SETD1A: variants seen among roughly 807,000 people sequenced by gnomAD.
SETD1A encodes the protein histone-lysine N-methyltransferase SETD1A.
Under a neutral mutation model 149.9 loss-of-function variants are expected in SETD1A, and 29 were observed. That is an observed-to-expected ratio of 0.19 (90% CI 0.14 to 0.26). The LOEUF (loss-of-function observed/expected upper bound fraction) is 0.26, where lower values mean the gene tolerates loss of function less well. SETD1A is among the 10% of genes least tolerant of loss of function. The pLI is 1.00. For missense variants in SETD1A, 2,109 were observed against 2,353.1 expected, an observed-to-expected ratio of 0.90 and a Z score of 2.15; for synonymous variants, 1,141 against 968.5, an observed-to-expected ratio of 1.18 and a Z score of -3.31.
intron 13 of SETD1A, among the ~76,000 whole-genome samples, chr16:30,977,569 C>G (rs189969748): frequency 6.6e-5 from 10 of 152,180 alleles, no homozygotes; most frequent in Non-Finnish European, 1.0e-4. Context: ...CGAGGCTTCC[C>G]GAGGACATGC....
intron 4 of SETD1A, among the ~76,000 whole-genome samples, chr16:30,963,183 A>C (rs1185175196): frequency 6.6e-6 from 1 of 152,246 alleles, no homozygotes; most frequent in Non-Finnish European, 1.5e-5. Context: ...CTGGTGATCC[A>C]ACATGGTAAA....
chr16:30,957,911 G>C lies in SETD1A; in HGVS notation c.-69G>C, dbSNP rs1402719368. Reference sequence around the variant, plus strand: ...CCTCGGCCCCGTGGGTCCCCCGGCAGCGCCTGTGGCGAAAGTGCGAATGCA... The same window carrying C: ...CCTCGGCCCCGTGGGTCCCCCGGCACCGCCTGTGGCGAAAGTGCGAATGCA... On this transcript the variant is annotated 5_prime_UTR_variant, in exon 1 of 19. Transcript: ENST00000262519. The C allele has an allele frequency of 6.6e-6, 1 of 152,418 alleles. No homozygotes were observed. Among genetic ancestry groups the C allele is most frequent in the Non-Finnish European group, 1.5e-5 (1 of 68,062 alleles). The allele number at this position is 152,418 out of a possible 1,614,324, so 9.4% of individuals were successfully genotyped here. A position where few individuals can be genotyped will look rare whatever the true frequency, so the allele number is the denominator to read the frequency against.
chr16:30,969,417 G>A lies in SETD1A; in HGVS notation c.2883G>A (p.Leu961=), dbSNP rs747247776. Residue 961 remains leucine (L), a synonymous_variant, in exon 11 of 19, where the codon CTG becomes CTA. Transcript: ENST00000262519. ...GCAAGCACCGCAAGTCCTTTGCTCT[G>A]GACAGCGAAGGGGAGGAGGCATCCC... ...TQGKHRKSFA[L]DSEGEEASQE... 17 of 1,613,872 alleles carry A rather than the reference G, an allele frequency of 1.1e-5. 1 individual carries two copies. The highest frequency in any genetic ancestry group is 1.0e-4 in the Admixed American group (6 of 59,966).
Position 30,964,164 on chromosome 16 carries a change from C to T in SETD1A, c.710C>T (p.Pro237Leu), listed in dbSNP as rs2056097660. ...YPAGTTAVGT[P>L]GNGTPCSQDT... The stretch of plus-strand genomic sequence containing the variant: ...GCAGGCACCACTGCGGTGGGCACTC[C>T]TGGCAACGGCACCCCCTGCTCCCAG... Residue 237 changes from proline to leucine, a missense_variant, in exon 6 of 19, where the codon CCT becomes CTT. Around this residue, in one of 8 missense-constraint regions of SETD1A, gnomAD observed 410 missense variants for 394.8 expected, o/e 1.04. Coordinates refer to ENST00000262519, the MANE Select transcript of SETD1A (RefSeq NM_014712.3). 6.2e-7 allele frequency: 1 copy of T among 1,614,018 alleles called. No homozygotes were observed.
chr16:30,963,853 A>G (rs879316144), intron 5 of SETD1A, among the ~76,000 whole-genome samples: 3 of 152,084 alleles, frequency 2.0e-5, no homozygotes, highest in Non-Finnish European at 4.4e-5. Context: ...TTAGCCAGGC[A>G]TGGTGGTGGG....
At chr16:30,958,367 G>T in intron 1 of SETD1A, 1 of 193,656 alleles carries the variant, frequency 5.2e-6, no homozygotes, top group Non-Finnish European at 1.1e-5. Context: ...GGCCGGGCTC[G>T]GCCCGGGCCG....
intron 8 of SETD1A, 106 bp downstream of exon 8, chr16:30,966,492 G>A (rs1396093723): frequency 2.1e-6 from 3 of 1,452,286 alleles, no homozygotes; most frequent in Non-Finnish European, 2.7e-6. Flanking sequence ...ATGGAGGCGA[G>A]TGGAGAGAGG....
Position 30,966,895 on chromosome 16 carries a change from C to T in SETD1A, c.2517C>T (p.Asn839=), listed in dbSNP as rs149273946. ...SKEEKAKPFQ[N]AAKQQAKEED... ...ACTGCTGCCTGCAGCCATTCCAGAA[C>T]GCGGCCAAGCAGCAAGCCAAGGAGG... The change falls in exon 9 of 19, where the codon AAC becomes AAT. Residue 839 remains asparagine (N), a synonymous_variant. Transcript: ENST00000262519. The T allele has an allele frequency of 6.4e-5, 100 of 1,557,908 alleles. 1 individual carries two copies. In the Admixed American group the frequency reaches 8.8e-4, roughly 14 times the overall value.
intron 13 of SETD1A, among the ~76,000 whole-genome samples, chr16:30,976,632 GA>G (rs2056287786): frequency 6.6e-6 from 1 of 152,162 alleles, no homozygotes; most frequent in Admixed American, 6.5e-5. Context: ...GGGGCAGACT[GA>G]ATGGACAGTG....
rs1035734381 is a variant in SETD1A at position 30,979,300 on chromosome 16, G to A, written c.3514G>A (p.Ala1172Thr). Residue 1172 changes from alanine (A) to threonine (T), a missense_variant, in exon 14 of 19, where the codon GCC (alanine) becomes ACC (threonine). Physicochemically the swap from Ala to Thr is moderately conservative, Grantham distance 58. Transcript: ENST00000262519. ...ACGCCGGAAAACTGTCTCCTTCTCT[G>A]CCATCGAGGTGGTGCCAGCCCCGGA... is the stretch of plus-strand genomic sequence containing the variant. ...KKRRKTVSFS[A>T]IEVVPAPEPP... 6.2e-7 allele frequency: 1 copy of A among 1,611,368 alleles called. No individual in the cohort carries two copies. Among genetic ancestry groups the A allele is most frequent in the Non-Finnish European group, 8.5e-7 (1 of 1,179,410 alleles).
intron 9 of SETD1A, among the ~76,000 whole-genome samples, 192 bp downstream of exon 9, chr16:30,967,252 C>G (rs1040075825): frequency 6.6e-6 from 1 of 152,172 alleles, no homozygotes; most frequent in Non-Finnish European, 1.5e-5. Flanking sequence ...CTCCCGGGTT[C>G]AAGCGATTCT....
intron 4 of SETD1A, among the ~76,000 whole-genome samples, chr16:30,962,560 T>C (rs950489076): frequency 2.0e-5 from 3 of 152,192 alleles, no homozygotes; most frequent in East Asian, 1.9e-4. Flanking sequence ...GAGCTGCAGA[T>C]TGCAGTATTG....
intron 8 of SETD1A, 92 bp downstream of exon 8, chr16:30,966,478 G>A (rs11150601): frequency 0.6 from 887,224 of 1,467,276 alleles, 278,024 homozygotes; most frequent in East Asian, 0.91. Flanking sequence ...AGAGGAGACA[G>A]GTGATGGAGG....
At chr16:30,979,019 C>CT (rs1201320325) in intron 13 of SETD1A, 126 bp from the exon 14 acceptor site, 13 of 946,648 alleles carry the variant, frequency 1.4e-5, no homozygotes, top group Non-Finnish European at 1.9e-5. Context: ...GCCAGGGCGT[C>CT]TGTGTTCCCT....
At chr16:30,958,490 A>G (rs2055997985) in intron 1 of SETD1A, 2 of 530,324 alleles carry the variant, frequency 3.8e-6, no homozygotes, top group East Asian at 6.4e-5. Context: ...AGGGGGCTCG[A>G]GACGGGCCTG....
In SETD1A at chr16:30,980,645, C is replaced by T. The variant is rs1326014402; in HGVS notation, c.4569C>T (p.Gly1523=). The change falls in exon 15 of 19, where the codon GGC becomes GGT. Residue 1523 remains glycine (G), a synonymous_variant. Transcript: ENST00000262519. The surrounding 1 kb of genome is among the most constrained non-coding windows in gnomAD (Gnocchi z 7.7). The part of the protein sequence containing the change: ...VCPVSARQLE[G]VDTQGTNRVL... ...CAGTCTCGGCCCGGCAGCTGGAGGGCGTGGACACTCAGGTGGGCCTAACCC... is the reference window on the plus strand; with the variant it reads ...CAGTCTCGGCCCGGCAGCTGGAGGGTGTGGACACTCAGGTGGGCCTAACCC... The T allele has an allele frequency of 7.4e-6, 12 of 1,612,754 alleles. No homozygotes were observed. Among genetic ancestry groups the T allele is most frequent in the Admixed American group, 1.7e-5 (1 of 59,992 alleles).
At chr16:30,978,572 G>T (rs186042329) in intron 13 of SETD1A, among the ~76,000 whole-genome samples, 6 of 152,330 alleles carry the variant, frequency 3.9e-5, no homozygotes, top group East Asian at 1.9e-4. Flanking sequence ...GCCCCTCCCT[G>T]CAGGGCATGT....
In SETD1A at chr16:30,961,173, C is replaced by G; in HGVS notation, c.247-94C>G. The stretch of plus-strand genomic sequence containing the variant: ...TTGCCCCTCACTTTCCCGGATCTCT[C>G]TCTTGACTTCATGGAGCTTGCTAAA... On this transcript the variant is annotated intron_variant, in intron 3 of 18. Transcript: ENST00000262519. This position sits in a 1 kb window ranked among gnomAD's most constrained non-coding sequence, Gnocchi z 4.0. 2 of 1,339,898 alleles carry G rather than the reference C, an allele frequency of 1.5e-6. No homozygotes were observed. Among genetic ancestry groups the G allele is most frequent in the Non-Finnish European group, 2.1e-6 (2 of 947,802 alleles). The allele number at this position is 1,339,898 out of a possible 1,614,324, so 83.0% of individuals were successfully genotyped here.
chr16:30,983,361 C>G lies in SETD1A; in HGVS notation c.4813-274C>G, dbSNP rs907877579. ...GGACCCCACTGTGACCAGGCAGATG[C>G]TCGAAGGAGTCAGTGGCTCTCTTAC... On this transcript the variant is annotated intron_variant, in intron 17 of 18. Coordinates refer to ENST00000262519, the MANE Select transcript of SETD1A (RefSeq NM_014712.3). The surrounding 1 kb of genome is among the most constrained non-coding windows in gnomAD (Gnocchi z 6.8). Among the ~76,000 whole-genome samples the G allele has an allele frequency of 6.6e-6, 1 of 152,196 alleles. No individual in the cohort carries two copies. The highest frequency in any genetic ancestry group is 1.5e-5 in the Non-Finnish European group (1 of 68,032).
Sources: gnomAD v4.1 joint callset for allele counts (sites outside exome capture counted in the v4.1 genomes callset) on GRCh38, gnomAD v4.1.1 for gene constraint, gnomAD v4.1.1 regional missense constraint, Gnocchi (gnomAD v3.1) non-coding constraint, MANE v1.5 for transcripts, NCBI Gene and HGNC (gene_info 2026-07-23, HGNC 2026-07-21) for gene names.